The following MACROD2 variants were observed in gnomAD, a reference collection of about 807,000 sequenced individuals.
MACROD2 encodes ADP-ribose glycohydrolase MACROD2.
Under a neutral mutation model 70.4 loss-of-function variants are expected in MACROD2, and 36 were observed. The observed-to-expected ratio is 0.51, with a 90% confidence interval of 0.39 to 0.68. MACROD2 has a LOEUF of 0.68. MACROD2 is among the 30% of genes least tolerant of loss of function. MACROD2 has a pLI of 0.00. For missense variants in MACROD2, 496 were observed against 538.4 expected (o/e 0.92, Z 0.78); for synonymous variants, 172 against 178.8 (o/e 0.96, Z 0.30).
At chr20:15,370,029 A>G (rs1032222700) in intron 6 of MACROD2, among the ~76,000 whole-genome samples, 1 of 152,146 alleles carries the variant, frequency 6.6e-6, no homozygotes, top group African/African-American at 2.4e-5. Flanking sequence ...GAGAAAATGC[A>G]TGCCAAGATG....
At chr20:14,105,249 C>T (rs1284765487) in intron 3 of MACROD2, among the ~76,000 whole-genome samples, 1 of 152,224 alleles carries the variant, frequency 6.6e-6, no homozygotes, top group East Asian at 1.9e-4. Flanking sequence ...GATGCACTGA[C>T]GAGGGTAGGA....
intron 5 of MACROD2, among the ~76,000 whole-genome samples, chr20:15,219,425 C>A (rs2076839387): frequency 6.6e-6 from 1 of 152,058 alleles, no homozygotes; most frequent in Non-Finnish European, 1.5e-5. Context: ...AATAAATTGC[C>A]CTTATTATTT....
chr20:15,587,123 C>G (rs1368849293), intron 8 of MACROD2, among the ~76,000 whole-genome samples: 1 of 152,184 alleles, frequency 6.6e-6, no homozygotes, highest in Non-Finnish European at 1.5e-5. Flanking sequence ...TACAGTTCCA[C>G]ATGGCTGAGG....
intron 6 of MACROD2, among the ~76,000 whole-genome samples, chr20:15,311,920 C>T (rs1220063002): frequency 6.6e-6 from 1 of 151,780 alleles, no homozygotes; most frequent in Non-Finnish European, 1.5e-5. Flanking sequence ...ACATGTATCC[C>T]CTGAATCTAA....
rs1232185516 is a variant in MACROD2 at position 14,817,905 on chromosome 20, C to T, written c.418+132946C>T. Among the ~76,000 whole-genome samples, 5 of 152,082 alleles carry T rather than the reference C, an allele frequency of 3.3e-5. No individual in the cohort carries two copies. In the South Asian group the frequency reaches 1.0e-3, roughly 32 times the overall value. On this transcript the variant is annotated intron_variant, in intron 5 of 17. Transcript: ENST00000684519. ...GTAGTCTTTGAAGTTTCAGAGAAAGCACTGAGCCAATGAGAGGCGATGACC... is the reference window on the plus strand; with the variant it reads ...GTAGTCTTTGAAGTTTCAGAGAAAGTACTGAGCCAATGAGAGGCGATGACC...
chr20:15,102,290 T>G (rs1422512834), intron 5 of MACROD2, among the ~76,000 whole-genome samples: 4 of 152,190 alleles, frequency 2.6e-5, no homozygotes, highest in Admixed American at 2.6e-4. Context: ...AATCTAACTA[T>G]ATGAAATATT....
intron 3 of MACROD2, among the ~76,000 whole-genome samples, chr20:14,311,433 C>G (rs1268499095): frequency 6.6e-6 from 1 of 152,118 alleles, no homozygotes; most frequent in Non-Finnish European, 1.5e-5. Context: ...AGTGCACTCT[C>G]TGGTGTTTAC....
rs567731662 is a variant in MACROD2 at position 14,720,614 on chromosome 20, C to T, written c.418+35655C>T. Among the ~76,000 whole-genome samples, 18 of 127,122 alleles carry T rather than the reference C, an allele frequency of 1.4e-4. 1 individual carries two copies. Among genetic ancestry groups the T allele is most frequent in the East Asian group, 2.6e-4 (1 of 3,842 alleles). The allele number at this position is 127,122 out of a possible 152,430, so 83.4% of individuals were successfully genotyped here. A position where few individuals can be genotyped will look rare whatever the true frequency, so the allele number is the denominator to read the frequency against. On this transcript the variant is annotated intron_variant, in intron 5 of 17. Transcript: ENST00000684519. ...CTGTTGCCAGGTTGGTGTGCTGTGGCGCCATCTCGGCTCACTGCAACCTCT... is the reference window on the plus strand; with the variant it reads ...CTGTTGCCAGGTTGGTGTGCTGTGGTGCCATCTCGGCTCACTGCAACCTCT...
rs956586498 is a variant in MACROD2, at chr20:14,708,364, G to A, written c.418+23405G>A. ...CAGTATAGTTCGAAAGAAGCCAAAG[G>A]CAATGTAAATGTAAGGGTGTGTCTG... is the stretch of plus-strand genomic sequence containing the variant. On this transcript the variant is annotated intron_variant, in intron 5 of 17. Transcript: ENST00000684519. 2.0e-5 allele frequency among the ~76,000 whole-genome samples: 3 copies of A among 152,086 alleles called. 1 individual carries two copies. The highest frequency in any genetic ancestry group is 4.4e-5 in the Non-Finnish European group (3 of 68,016).
chr20:14,241,217 T>C (rs990657916), intron 3 of MACROD2, among the ~76,000 whole-genome samples: 1 of 152,268 alleles, frequency 6.6e-6, no homozygotes, highest in East Asian at 1.9e-4. Context: ...AGGTATGTGA[T>C]GCATATTAAC....
intron 6 of MACROD2, among the ~76,000 whole-genome samples, chr20:15,233,226 CATAAG>C (rs984421414): frequency 6.6e-5 from 10 of 152,094 alleles, no homozygotes; most frequent in African/African-American, 2.4e-4. Context: ...TGCAGATACT[CATAAG>C]ATCAGTAGAT....
intron 5 of MACROD2, among the ~76,000 whole-genome samples, chr20:14,897,303 C>T (rs965161164): frequency 2.0e-5 from 3 of 152,028 alleles, no homozygotes; most frequent in Admixed American, 1.3e-4. Flanking sequence ...GGGATAATTA[C>T]AGTCTTATCA....
intron 5 of MACROD2, among the ~76,000 whole-genome samples, chr20:15,147,864 T>C (rs956997838): frequency 2.0e-5 from 3 of 151,970 alleles, no homozygotes; most frequent in Non-Finnish European, 4.4e-5. Context: ...GGGGGGTTGT[T>C]CTCTGGCAGG....
chr20:15,089,481 T>C (rs1033639978), intron 5 of MACROD2, among the ~76,000 whole-genome samples: 12 of 152,184 alleles, frequency 7.9e-5, no homozygotes, highest in African/African-American at 2.9e-4. Context: ...TTGGCCTTTA[T>C]GTAATACTAA....
chr20:15,410,338 A>G (rs1191835394), intron 6 of MACROD2, among the ~76,000 whole-genome samples: 1 of 152,234 alleles, frequency 6.6e-6, no homozygotes, highest in East Asian at 1.9e-4. Context: ...TTGAGCAGAT[A>G]GTATATTTTG....
intron 4 of MACROD2, among the ~76,000 whole-genome samples, chr20:14,537,225 A>T (rs981924314): frequency 2.0e-5 from 3 of 152,206 alleles, no homozygotes; most frequent in African/African-American, 7.2e-5. Flanking sequence ...CCAAAAGCAA[A>T]ACCTGACACA....
At chr20:14,018,567 CTTAAG>C (rs1056559644) in intron 2 of MACROD2, among the ~76,000 whole-genome samples, 4 of 152,178 alleles carry the variant, frequency 2.6e-5, no homozygotes, top group South Asian at 2.1e-4. Flanking sequence ...ATTTTTATCT[CTTAAG>C]TTATTTCTTC....
intron 8 of MACROD2, among the ~76,000 whole-genome samples, chr20:15,726,044 T>C (rs1486664347): frequency 1.3e-5 from 2 of 152,124 alleles, no homozygotes; most frequent in Non-Finnish European, 2.9e-5. Context: ...AAAAGCATAC[T>C]ACCCAATAGG....
At chr20:15,565,841 T>C (rs2048302994) in intron 8 of MACROD2, among the ~76,000 whole-genome samples, 1 of 152,152 alleles carries the variant, frequency 6.6e-6, no homozygotes, top group South Asian at 2.1e-4. Context: ...GCCACTGCAC[T>C]CAGCCTGGTA....
Sources: allele counts gnomAD v4.1 joint callset (sites outside exome capture counted in the v4.1 genomes callset), GRCh38; gene constraint gnomAD v4.1.1; transcripts MANE v1.5; gene names NCBI Gene and HGNC (gene_info 2026-07-23, HGNC 2026-07-21).